The following XKR4 variants were observed in gnomAD, a reference collection of about 807,000 sequenced individuals.
The protein encoded by XKR4 is XK-related protein 4.
In XKR4, 12 loss-of-function variants were observed where a neutral mutation model predicts 53.9. The ratio of observed to expected loss-of-function variants is 0.22; its 90% confidence interval spans 0.14 to 0.36. XKR4 has a LOEUF of 0.36. Among genes scored for constraint, XKR4 ranks in the 10% least tolerant of loss-of-function variants. XKR4 has a pLI of 1.00. For missense variants in XKR4, 799 were observed against 859.5 expected (o/e 0.93, Z 0.88); for synonymous variants, 354 against 362.4 (o/e 0.98, Z 0.26).
intron 2 of XKR4, among the ~76,000 whole-genome samples, chr8:55,500,281 A>G (rs1425282952): frequency 6.6e-6 from 1 of 150,522 alleles, no homozygotes; most frequent in East Asian, 2.0e-4. Flanking sequence ...TCCTGGCTTT[A>G]TTTTTTCTCC....
rs1170698510 is a variant in XKR4, at chr8:55,523,637, T to A, written c.1363T>A (p.Cys455Ser). 3 of 1,614,206 alleles carry A rather than the reference T, an allele frequency of 1.9e-6. No individual in the cohort carries two copies. In the Admixed American group the frequency reaches 5.0e-5, roughly 27 times the overall value. ...WFNVKEGRTR[C>S]RLFIYYFVIL... ...CAATGTCAAGGAAGGCAGGACACGC[T>A]GCAGGCTATTCATTTACTATTTTGT... is the stretch of plus-strand genomic sequence containing the variant. Residue 455 changes from cysteine (C) to serine (S), a missense_variant, in exon 3 of 3, where the codon TGC becomes AGC. Cys to Ser is a moderately radical substitution (Grantham distance 112). Around this residue, in one of 3 missense-constraint regions of XKR4, gnomAD observed 269 missense variants for 264.4 expected, o/e 1.02. Coordinates refer to ENST00000327381, the MANE Select transcript of XKR4 (RefSeq NM_052898.2).
chr8:55,115,399 C>CAT (rs1437900554), intron 1 of XKR4, among the ~76,000 whole-genome samples: 1 of 151,712 alleles, frequency 6.6e-6, no homozygotes. Context: ...CACACACACA[C>CAT]ACACAAATGA....
intron 2 of XKR4, among the ~76,000 whole-genome samples, chr8:55,458,713 C>A (rs1279762768): frequency 1.3e-5 from 2 of 152,206 alleles, no homozygotes; most frequent in Non-Finnish European, 2.9e-5. Context: ...TCTCTGAGGT[C>A]CTACTGTCAA....
chr8:55,209,850 C>A (rs576809154), intron 1 of XKR4, among the ~76,000 whole-genome samples: 1 of 152,184 alleles, frequency 6.6e-6, no homozygotes, highest in Admixed American at 6.5e-5. Context: ...ATGGACAGAC[C>A]AGTATGAGAA....
chr8:55,166,769 C>T (rs528841520), intron 1 of XKR4, among the ~76,000 whole-genome samples: 35 of 152,210 alleles, frequency 2.3e-4, no homozygotes, highest in Non-Finnish European at 4.6e-4. Flanking sequence ...GCAAGAAGGT[C>T]AATGTGTCTG....
At position 55,538,927 on chromosome 8, in the gene XKR4, G is replaced by A. The variant is rs541083667; in HGVS notation, c.*14700G>A. 4.6e-5 allele frequency: 7 copies of A among 152,180 alleles called. No homozygotes were observed. Among genetic ancestry groups the A allele is most frequent in the East Asian group, 1.9e-4 (1 of 5,184 alleles). 9.4% of individuals were successfully genotyped at this position (152,180 alleles called of 1,614,324 possible). On this transcript the variant is annotated 3_prime_UTR_variant, in exon 3 of 3. Coordinates refer to ENST00000327381, the MANE Select transcript of XKR4 (RefSeq NM_052898.2). ...AACTCCTGAATTGATTCATTTTCAC[G>A]TTATAACTACATTTCAAATATTTCG... is the stretch of plus-strand genomic sequence containing the variant.
chr8:55,515,048 A>G lies in XKR4; in HGVS notation c.1007-8233A>G, dbSNP rs1806689854. ...GAAATAATCTTCCATATTTGTCAAG[A>G]AGGAGGAGAGACACTTTGCTTCTCC... On this transcript the variant is annotated intron_variant, in intron 2 of 2. Coordinates refer to ENST00000327381, the MANE Select transcript of XKR4 (RefSeq NM_052898.2). Among the ~76,000 whole-genome samples the G allele has an allele frequency of 2.0e-5, 3 of 152,240 alleles. No homozygotes were observed. In the South Asian group the frequency reaches 6.2e-4, roughly 31 times the overall value.
At chr8:55,155,405 AATAAC>A (rs1320361663) in intron 1 of XKR4, among the ~76,000 whole-genome samples, 5 of 152,226 alleles carry the variant, frequency 3.3e-5, no homozygotes, top group African/African-American at 1.2e-4. Flanking sequence ...AATTATTAGA[AATAAC>A]ATAATATGGG....
chr8:55,256,458 A>G (rs1818439932), intron 1 of XKR4, among the ~76,000 whole-genome samples: 1 of 152,238 alleles, frequency 6.6e-6, no homozygotes. Flanking sequence ...AAACCAAGGC[A>G]TTGAAGTTGG....
intron 1 of XKR4, among the ~76,000 whole-genome samples, chr8:55,107,894 C>T (rs970995262): frequency 2.6e-5 from 4 of 152,164 alleles, no homozygotes; most frequent in African/African-American, 9.7e-5. Flanking sequence ...AGTCATTCAA[C>T]ACACACTGAG....
At chr8:55,299,523 G>T (rs1819149193) in intron 1 of XKR4, among the ~76,000 whole-genome samples, 1 of 152,174 alleles carries the variant, frequency 6.6e-6, no homozygotes, top group African/African-American at 2.4e-5. Context: ...TTCTGAGAAA[G>T]ACAATGTCTT....
chr8:55,451,478 C>T (rs1279337548), intron 2 of XKR4: 7 of 1,191,340 alleles, frequency 5.9e-6, no homozygotes, highest in Non-Finnish European at 8.5e-6. Flanking sequence ...CTACTCGAGT[C>T]TGCCTGGAAC....
chr8:55,465,191 C>A (rs1805739215), intron 2 of XKR4, among the ~76,000 whole-genome samples: 1 of 152,080 alleles, frequency 6.6e-6, no homozygotes, highest in Non-Finnish European at 1.5e-5. Context: ...CAATCCTAAG[C>A]CAAAAGAACA....
chr8:55,134,488 A>C (rs968110299), intron 1 of XKR4, among the ~76,000 whole-genome samples: 3 of 152,200 alleles, frequency 2.0e-5, no homozygotes, highest in African/African-American at 7.2e-5. Context: ...AAGTCAAAAT[A>C]ATGTTAACTA....
At chr8:55,513,690 T>C (rs1327933470) in intron 2 of XKR4, among the ~76,000 whole-genome samples, 1 of 152,226 alleles carries the variant, frequency 6.6e-6, no homozygotes. Flanking sequence ...CATAGGTTTG[T>C]TTGGTTGTTT....
intron 1 of XKR4, among the ~76,000 whole-genome samples, chr8:55,133,301 G>GC (rs779486312): frequency 3.9e-5 from 6 of 152,210 alleles, no homozygotes; most frequent in Non-Finnish European, 5.9e-5. Flanking sequence ...AAACTGCTGG[G>GC]CCAAGACCTG....
At chr8:55,140,906 G>A (rs1816692900) in intron 1 of XKR4, among the ~76,000 whole-genome samples, 1 of 152,156 alleles carries the variant, frequency 6.6e-6, no homozygotes. Context: ...AACTGTAGAT[G>A]TTCATTTGTC....
At chr8:55,328,674 G>A (rs1803331388) in intron 1 of XKR4, among the ~76,000 whole-genome samples, 1 of 152,172 alleles carries the variant, frequency 6.6e-6, no homozygotes. Context: ...TTCAATTGCT[G>A]TCGCTCATAG....
intron 1 of XKR4, among the ~76,000 whole-genome samples, chr8:55,145,681 C>G (rs1031942): frequency 6.6e-6 from 1 of 152,006 alleles, no homozygotes; most frequent in Non-Finnish European, 1.5e-5. Context: ...ATTCAAGAAC[C>G]TAAAAGAGAT....
Sources: gnomAD v4.1 joint callset for allele counts (sites outside exome capture counted in the v4.1 genomes callset) on GRCh38, gnomAD v4.1.1 for gene constraint, gnomAD v4.1.1 regional missense constraint, MANE v1.5 for transcripts, NCBI Gene and HGNC (gene_info 2026-07-23, HGNC 2026-07-21) for gene names.